AIM2: variants seen among roughly 807,000 people sequenced by gnomAD.
AIM2 encodes the protein absent in melanoma 2, also known as interferon-inducible protein AIM2.
A neutral mutation model predicts 27.7 loss-of-function variants in AIM2; 30 were observed. The ratio of observed to expected loss-of-function variants is 1.08; its 90% CI spans 0.81 to 1.47. AIM2 has a LOEUF of 1.47. Among genes scored for constraint, AIM2 ranks in the 40% most tolerant of loss-of-function variants. The pLI, the probability that AIM2 is intolerant of heterozygous loss-of-function variation, is 0.00. For missense variants in AIM2, 358 were observed against 411.3 expected, an observed-to-expected ratio of 0.87 and a Z score of 1.12; for synonymous variants, 141 against 145.3, an observed-to-expected ratio of 0.97 and a Z score of 0.21.
intron 1 of AIM2, among the ~76,000 whole-genome samples, chr1:159,114,469 C>T (rs1647277772): frequency 6.6e-6 from 1 of 152,104 alleles, no homozygotes; most frequent in Admixed American, 6.6e-5. Context: ...GCTTGTAATC[C>T]CAACACTTTG....
At chr1:159,136,464 C>A (rs1313967826) in intron 1 of AIM2, among the ~76,000 whole-genome samples, 1 of 152,096 alleles carries the variant, frequency 6.6e-6, no homozygotes, top group Non-Finnish European at 1.5e-5. Context: ...AAGTAAATAG[C>A]GAGACCTCAG....
At position 159,063,497 on chromosome 1, in the gene AIM2, T is replaced by C. The variant is rs1655934478; in HGVS notation, c.994A>G (p.Ser332Gly). ...CATGCAGTTCCCACCTTTATGGTGC[T>C]ATGAACTCCAGATGTCAGCTGTAGT... ...EKLQLTSGVH[S>G]TIKVIKAKKK... The change falls in exon 5 of 6, where the codon AGC becomes GGC. Residue 332 changes from serine to glycine, a missense_variant. Transcript: ENST00000368130. 2 of 1,613,364 alleles carry C rather than the reference T, an allele frequency of 1.2e-6. No individual in the cohort carries two copies. Among genetic ancestry groups the C allele is most frequent in the African/African-American group, 1.3e-5 (1 of 74,884 alleles).
At chr1:159,104,972 C>G (rs76402492) in intron 1 of AIM2, among the ~76,000 whole-genome samples, 9,845 of 152,256 alleles carry the variant, frequency 0.065, 461 homozygotes, top group Non-Finnish European at 0.1. Context: ...AGCCGGAAAC[C>G]CCTGTGTCCA....
chr1:159,134,835 A>T (rs988245739), intron 1 of AIM2, among the ~76,000 whole-genome samples: 1 of 152,232 alleles, frequency 6.6e-6, no homozygotes, highest in Non-Finnish European at 1.5e-5. Context: ...CTGTTGAAAA[A>T]AAGAAAGAAA....
At chr1:159,146,221 G>C (rs1648199359) in intron 1 of AIM2, among the ~76,000 whole-genome samples, 1 of 152,130 alleles carries the variant, frequency 6.6e-6, no homozygotes, top group Non-Finnish European at 1.5e-5. Context: ...GCAGTAGGTT[G>C]TCATGTCCCA....
chr1:159,132,499 G>C (rs1296924855), intron 1 of AIM2: 1 of 152,186 alleles, frequency 6.6e-6, no homozygotes, highest in Non-Finnish European at 1.5e-5. Flanking sequence ...CTGAACCAAT[G>C]AATGTGAAAA....
At chr1:159,106,145 G>A (rs1657440895) in intron 1 of AIM2, among the ~76,000 whole-genome samples, 1 of 152,154 alleles carries the variant, frequency 6.6e-6, no homozygotes, top group South Asian at 2.1e-4. Context: ...GGGAGAGGGG[G>A]CTTCCAAACC....
chr1:159,115,572 A>G (rs557012849), intron 1 of AIM2, among the ~76,000 whole-genome samples: 2 of 152,336 alleles, frequency 1.3e-5, no homozygotes, highest in Admixed American at 1.3e-4. Context: ...TGACAAAAAC[A>G]AAAAACGGGG....
At chr1:159,114,782 A>G (rs1354758356) in intron 1 of AIM2, among the ~76,000 whole-genome samples, 1 of 152,178 alleles carries the variant, frequency 6.6e-6, no homozygotes, top group East Asian at 1.9e-4. Flanking sequence ...CAAGACAGGG[A>G]TGCCCTCTCT....
intron 1 of AIM2, among the ~76,000 whole-genome samples, chr1:159,120,303 A>C (rs1488160831): frequency 6.6e-6 from 1 of 152,216 alleles, no homozygotes; most frequent in Non-Finnish European, 1.5e-5. Flanking sequence ...TGCAAAAGAC[A>C]CTTAATATAA....
intron 1 of AIM2, among the ~76,000 whole-genome samples, chr1:159,102,972 A>G (rs1340977043): frequency 1.3e-5 from 2 of 152,190 alleles, no homozygotes; most frequent in Admixed American, 1.3e-4. Context: ...ACATGAGGAC[A>G]TGAGATTTGG....
chr1:159,135,503 C>G (rs1026621719), intron 1 of AIM2, among the ~76,000 whole-genome samples: 6 of 152,120 alleles, frequency 3.9e-5, no homozygotes, highest in African/African-American at 1.4e-4. Flanking sequence ...GTGCTTAGTA[C>G]AGGCCACTTG....
intron 1 of AIM2, among the ~76,000 whole-genome samples, chr1:159,095,475 A>C (rs943981264): frequency 6.6e-6 from 1 of 152,168 alleles, no homozygotes; most frequent in Non-Finnish European, 1.5e-5. Context: ...TGTATCTGCC[A>C]CCCGGGCCTA....
At chr1:159,131,184 C>T (rs1647863865) in intron 1 of AIM2, among the ~76,000 whole-genome samples, 1 of 152,166 alleles carries the variant, frequency 6.6e-6, no homozygotes, top group South Asian at 2.1e-4. Context: ...TGTCTTATTC[C>T]CAATGCATCT....
intron 1 of AIM2, chr1:159,132,394 A>T (rs1647910331): frequency 6.6e-6 from 1 of 152,006 alleles, no homozygotes; most frequent in Non-Finnish European, 1.5e-5. Context: ...CAAAGAAAAA[A>T]AAATGACTTT....
chr1:159,099,692 A>C (rs1471135816), intron 1 of AIM2, among the ~76,000 whole-genome samples: 2 of 151,988 alleles, frequency 1.3e-5, no homozygotes, highest in Non-Finnish European at 2.9e-5. Flanking sequence ...TCCTTGATAG[A>C]GAATGCCCTA....
At chr1:159,144,705 C>T (rs1167947917), upstream of AIM2, among the ~76,000 whole-genome samples, 2 of 152,094 alleles carry the variant, frequency 1.3e-5, no homozygotes, top group African/African-American at 4.8e-5. Flanking sequence ...AATTGAATAC[C>T]ACTTTGTGAC....
chr1:159,138,758 A>C (rs990823004), intron 1 of AIM2, among the ~76,000 whole-genome samples: 1 of 152,208 alleles, frequency 6.6e-6, no homozygotes, highest in African/African-American at 2.4e-5. Context: ...AGTCAGCATT[A>C]ATTCTTTCAA....
chr1:159,116,115 A>C (rs1647340671), intron 1 of AIM2, among the ~76,000 whole-genome samples: 1 of 151,682 alleles, frequency 6.6e-6, no homozygotes, highest in Non-Finnish European at 1.5e-5. Context: ...GAGAAATGCA[A>C]ATCAAAACCA....
Sources: allele counts gnomAD v4.1 joint callset (sites outside exome capture counted in the v4.1 genomes callset), GRCh38; gene constraint gnomAD v4.1.1; transcripts MANE v1.5; gene names NCBI Gene and HGNC (gene_info 2026-07-23, HGNC 2026-07-21).